The following NRXN1 variants were observed in gnomAD, a reference collection of about 807,000 sequenced individuals.
NRXN1 encodes the protein neurexin-1.
In NRXN1, 39 loss-of-function variants were observed where a neutral mutation model predicts 150.9. That is an observed-to-expected ratio of 0.26 (90% CI 0.20 to 0.34). The LOEUF is 0.34. Among genes scored for constraint, NRXN1 ranks in the 10% least tolerant of loss-of-function variants. The pLI, the probability that NRXN1 is intolerant of heterozygous loss-of-function variation, is 1.00. For synonymous variants in NRXN1, 924 were observed against 757.0 expected (o/e 1.22, Z -3.62); for missense variants, 1,815 against 1,949.9 (o/e 0.93, Z 1.30).
intron 17 of NRXN1, among the ~76,000 whole-genome samples, chr2:50,446,289 T>C (rs927986565): frequency 3.9e-5 from 6 of 152,298 alleles, no homozygotes; most frequent in South Asian, 2.1e-4. Flanking sequence ...TATGTCTGGC[T>C]TTTATTTTAT....
intron 17 of NRXN1, among the ~76,000 whole-genome samples, chr2:50,457,474 G>T (rs147472152): frequency 2.0e-5 from 3 of 152,128 alleles, no homozygotes; most frequent in East Asian, 3.9e-4. Context: ...TCAGCCCAAA[G>T]AAGTTACTTA....
chr2:50,678,217 G>C (rs1321247093), intron 5 of NRXN1, among the ~76,000 whole-genome samples: 1 of 151,952 alleles, frequency 6.6e-6, no homozygotes, highest in Non-Finnish European at 1.5e-5. Context: ...CAGATTTGTG[G>C]GGCAAGTTCA....
chr2:50,030,300 C>T (rs2152567056), intron 21 of NRXN1, among the ~76,000 whole-genome samples: 1 of 152,140 alleles, frequency 6.6e-6, no homozygotes, highest in South Asian at 2.1e-4. Flanking sequence ...AAGCCTCTGG[C>T]CAGTTCTATG....
chr2:50,235,534 T>C (rs995835138), intron 18 of NRXN1, among the ~76,000 whole-genome samples: 3 of 152,054 alleles, frequency 2.0e-5, no homozygotes, highest in Admixed American at 1.3e-4. Flanking sequence ...TAAGGCAAAA[T>C]TAAGATTAAG....
At chr2:49,972,335 C>T (rs1415249001) in intron 21 of NRXN1, among the ~76,000 whole-genome samples, 1 of 152,116 alleles carries the variant, frequency 6.6e-6, no homozygotes, top group African/African-American at 2.4e-5. Context: ...AGGCTCCACG[C>T]TGCATGATAA....
At chr2:50,927,825 G>C (rs1256212287) in intron 2 of NRXN1, among the ~76,000 whole-genome samples, 2 of 151,900 alleles carry the variant, frequency 1.3e-5, no homozygotes, top group African/African-American at 4.8e-5. Context: ...ATATGGTTGT[G>C]AGGAGCAGTG....
At chr2:50,181,724 G>C (rs747154394) in intron 18 of NRXN1, among the ~76,000 whole-genome samples, 1 of 151,928 alleles carries the variant, frequency 6.6e-6, no homozygotes, top group Non-Finnish European at 1.5e-5. Context: ...GAGAATAATG[G>C]ATAAGAAAAA....
At chr2:50,491,980 G>T (rs766197886) in intron 15 of NRXN1, among the ~76,000 whole-genome samples, 1 of 152,106 alleles carries the variant, frequency 6.6e-6, no homozygotes, top group African/African-American at 2.4e-5. Flanking sequence ...AGTAACTTCA[G>T]TTAAATCTAT....
chr2:50,915,549 T>C (rs1240057888), intron 5 of NRXN1, among the ~76,000 whole-genome samples: 3 of 151,606 alleles, frequency 2.0e-5, no homozygotes, highest in African/African-American at 7.3e-5. Flanking sequence ...TGATTGAGGA[T>C]AATCAATCTT....
intron 12 of NRXN1, among the ~76,000 whole-genome samples, chr2:50,527,027 CAT>C (rs1176955406): frequency 2.6e-5 from 4 of 152,170 alleles, no homozygotes; most frequent in African/African-American, 4.8e-5. Context: ...TACAGAATCA[CAT>C]GTCATTTGAA....
At chr2:50,874,411 T>TA (rs1314373054) in intron 5 of NRXN1, among the ~76,000 whole-genome samples, 1 of 151,810 alleles carries the variant, frequency 6.6e-6, no homozygotes, top group Non-Finnish European at 1.5e-5. Context: ...CTCTTTTTTT[T>TA]ATAGATGAAA....
chr2:50,057,069 A>G (rs1002482395), intron 19 of NRXN1, among the ~76,000 whole-genome samples: 2 of 152,152 alleles, frequency 1.3e-5, no homozygotes, highest in Non-Finnish European at 2.9e-5. Context: ...GATTAATCAC[A>G]CCCATTTTCC....
chr2:50,846,210 G>T (rs1202568760), intron 5 of NRXN1, among the ~76,000 whole-genome samples: 3 of 152,006 alleles, frequency 2.0e-5, no homozygotes, highest in African/African-American at 7.3e-5. Context: ...TGTTCATTTT[G>T]TTTTGTGTTT....
intron 7 of NRXN1, among the ~76,000 whole-genome samples, 176 bp from the exon 8 acceptor site, chr2:50,620,359 T>G (rs928341793): frequency 6.6e-6 from 1 of 152,156 alleles, no homozygotes; most frequent in Non-Finnish European, 1.5e-5. Context: ...CCCATTTTCA[T>G]GTCTGTTTGA....
At chr2:50,158,534 T>G (rs1434125485) in intron 18 of NRXN1, among the ~76,000 whole-genome samples, 2 of 152,100 alleles carry the variant, frequency 1.3e-5, no homozygotes, top group Non-Finnish European at 2.9e-5. Context: ...AATCTTGATT[T>G]TTCTTACAAA....
chr2:50,803,270 T>C (rs1436708834), intron 5 of NRXN1, among the ~76,000 whole-genome samples: 1 of 152,206 alleles, frequency 6.6e-6, no homozygotes, highest in Non-Finnish European at 1.5e-5. Flanking sequence ...AAATTGTCTA[T>C]GATGATGATC....
At position 50,552,914 on chromosome 2, in the gene NRXN1, T is replaced by C. The variant is rs1667736912; in HGVS notation, c.1432A>G (p.Thr478Ala). The C allele has an allele frequency of 1.2e-6, 2 of 1,613,964 alleles. No homozygotes were observed. The highest frequency in any genetic ancestry group is 1.7e-6 in the Non-Finnish European group (2 of 1,179,852). The change falls in exon 9 of 23, where the codon ACT becomes GCT. Residue 478 changes from threonine (T) to alanine (A), a missense_variant. By Grantham distance (58) the Thr-to-Ala change is moderately conservative. This residue lies in a region of NRXN1 where 638 missense variants were observed against 652.6 expected (regional missense o/e 0.98). Coordinates refer to ENST00000401669, the MANE Select transcript of NRXN1 (RefSeq NM_001330078.2). The stretch of plus-strand genomic sequence containing the variant: ...GTTTCAAAGGTGATTGGGTCTAAAG[T>C]TGCAACATTCTCACATTTAAATGCC... Reference protein sequence around the residue: ...VVAFKCENVATLDPITFETPE... With the variant: ...VVAFKCENVAALDPITFETPE...
At chr2:50,059,007 A>G (rs764807698) in intron 19 of NRXN1, among the ~76,000 whole-genome samples, 13 of 152,172 alleles carry the variant, frequency 8.5e-5, no homozygotes, top group Admixed American at 3.3e-4. Flanking sequence ...GGTAAAGTGG[A>G]GTACTGTTAT....
At chr2:50,762,285 G>A (rs915103628) in intron 5 of NRXN1, among the ~76,000 whole-genome samples, 4 of 151,730 alleles carry the variant, frequency 2.6e-5, no homozygotes, top group African/African-American at 9.7e-5. Context: ...GAGACTACAG[G>A]CTCATGCCAC....
Sources: gnomAD v4.1 joint callset for allele counts (sites outside exome capture counted in the v4.1 genomes callset) on GRCh38, gnomAD v4.1.1 for gene constraint, gnomAD v4.1.1 regional missense constraint, MANE v1.5 for transcripts, NCBI Gene and HGNC (gene_info 2026-07-23, HGNC 2026-07-21) for gene names.